The following NEURL1B variants were observed in gnomAD, a reference collection of about 807,000 sequenced individuals.
NEURL1B encodes neuralized E3 ubiquitin protein ligase 1B, also known as E3 ubiquitin-protein ligase NEURL1B.
A neutral mutation model predicts 37.4 loss-of-function variants in NEURL1B; 13 were observed. The ratio of observed to expected loss-of-function variants is 0.35; its 90% CI spans 0.23 to 0.55. The LOEUF (loss-of-function observed/expected upper bound fraction) is 0.55, where lower values mean the gene tolerates loss of function less well. NEURL1B is among the 20% of genes least tolerant of loss of function. The pLI, the probability that NEURL1B is intolerant of heterozygous loss-of-function variation, is 0.89. For synonymous variants in NEURL1B, 432 were observed against 426.6 expected, an observed-to-expected ratio of 1.01 and a Z score of -0.16; for missense variants, 790 against 879.2, an observed-to-expected ratio of 0.90 and a Z score of 1.28.
chr5:172,680,878 G>A (rs1451588248), intron 2 of NEURL1B, among the ~76,000 whole-genome samples: 3 of 152,130 alleles, frequency 2.0e-5, no homozygotes, highest in Non-Finnish European at 2.9e-5. Context: ...AAAATTTGTA[G>A]CTGTATTAGT....
chr5:172,663,405 C>T (rs973907830), intron 1 of NEURL1B, among the ~76,000 whole-genome samples: 1 of 151,514 alleles, frequency 6.6e-6, no homozygotes, highest in African/African-American at 2.4e-5. Flanking sequence ...CCTGTAGTCC[C>T]AGCTACTCAG....
At chr5:172,685,063 T>A (rs1207009668) in intron 3 of NEURL1B, among the ~76,000 whole-genome samples, 1 of 152,230 alleles carries the variant, frequency 6.6e-6, no homozygotes, top group African/African-American at 2.4e-5. Flanking sequence ...TAAATGACTA[T>A]CCCAGGGTCA....
chr5:172,679,560 G>A (rs1431414160), intron 2 of NEURL1B, among the ~76,000 whole-genome samples: 2 of 152,336 alleles, frequency 1.3e-5, no homozygotes, highest in East Asian at 3.9e-4. Context: ...CTAGGCTGGC[G>A]CTGTGCTGTC....
At chr5:172,666,432 C>T (rs1259604771) in intron 1 of NEURL1B, among the ~76,000 whole-genome samples, 8 of 152,136 alleles carry the variant, frequency 5.3e-5, no homozygotes, top group Non-Finnish European at 1.0e-4. Flanking sequence ...TCTGAATGTG[C>T]GGTGATTCTA....
intron 1 of NEURL1B, among the ~76,000 whole-genome samples, chr5:172,660,133 T>TC (rs1757867363): frequency 6.6e-6 from 1 of 151,992 alleles, no homozygotes; most frequent in African/African-American, 2.4e-5. Context: ...GAGGGCACAT[T>TC]CCCCCCACCT....
intron 1 of NEURL1B, among the ~76,000 whole-genome samples, chr5:172,643,945 T>C (rs1581416350): frequency 2.0e-5 from 3 of 151,818 alleles, no homozygotes; most frequent in African/African-American, 7.3e-5. Context: ...CTCCTCCCCA[T>C]GGCTCCCACC....
At chr5:172,644,149 T>C (rs1405162185) in intron 1 of NEURL1B, among the ~76,000 whole-genome samples, 1 of 152,198 alleles carries the variant, frequency 6.6e-6, no homozygotes, top group Non-Finnish European at 1.5e-5. Flanking sequence ...GTTTAGCACC[T>C]GGAGCAGTGG....
chr5:172,682,989 A>G (rs1276912390), intron 2 of NEURL1B, among the ~76,000 whole-genome samples: 1 of 152,224 alleles, frequency 6.6e-6, no homozygotes, highest in Non-Finnish European at 1.5e-5. Context: ...CCACGAGTAC[A>G]GGTTTGCTCT....
chr5:172,645,792 AACGGG>A lies in NEURL1B; in HGVS notation c.31+4358_31+4362del, dbSNP rs58363345. ...GGAAGGGGCCAACATGCTGTAACAG[AACGGG>A]ACACCCAGTTGGTCACATCACTAAA... On this transcript the variant is annotated intron_variant, in intron 1 of 4. Transcript: ENST00000369800. Among the ~76,000 whole-genome samples, 54 of 152,246 alleles carry A rather than the reference AACGGG, an allele frequency of 3.5e-4. 1 individual carries two copies. Among genetic ancestry groups the A allele is most frequent in the African/African-American group, 1.3e-3 (53 of 41,544 alleles).
rs1449728367 is a variant in NEURL1B at position 172,647,366 on chromosome 5, T to C, written c.31+5929T>C. Among the ~76,000 whole-genome samples the C allele has an allele frequency of 1.3e-5, 2 of 152,120 alleles. No individual in the cohort carries two copies. The highest frequency in any genetic ancestry group is 4.8e-5 in the African/African-American group (2 of 41,422). On this transcript the variant is annotated intron_variant, in intron 1 of 4. Coordinates refer to ENST00000369800, the MANE Select transcript of NEURL1B (RefSeq NM_001142651.3). The surrounding 1 kb of genome is among the most constrained non-coding windows in gnomAD (Gnocchi z 4.2). ...GCACTAGGCCCTTTATTCCATCCCATTGAAGCCGTCATGAGAGCCTTGCGA... is the reference window on the plus strand; with the variant it reads ...GCACTAGGCCCTTTATTCCATCCCACTGAAGCCGTCATGAGAGCCTTGCGA...
intron 1 of NEURL1B, among the ~76,000 whole-genome samples, chr5:172,664,623 T>C (rs567818582): frequency 3.3e-5 from 5 of 152,352 alleles, no homozygotes; most frequent in African/African-American, 1.2e-4. Context: ...CGCAGGGCCC[T>C]TGGAGTCCAC....
chr5:172,686,260 G>A lies in NEURL1B; in HGVS notation c.1387G>A (p.Val463Ile), dbSNP rs1450315404. The change falls in exon 4 of 5, where the codon GTC becomes ATC. Residue 463 changes from valine to isoleucine, a missense_variant. Transcript: ENST00000369800. This position sits in a 1 kb window ranked among gnomAD's most constrained non-coding sequence, Gnocchi z 7.9. ...TAGTGATTCAGATATGACCTTCAGT[G>A]TCAACCAGTCCTCCTCGGCATCTGA... is the stretch of plus-strand genomic sequence containing the variant. ...DDSDSDMTFS[V>I]NQSSSASESS... 1.3e-6 allele frequency: 2 copies of A among 1,551,606 alleles called. No individual in the cohort carries two copies. Among genetic ancestry groups the A allele is most frequent in the African/African-American group, 2.7e-5 (2 of 73,044 alleles).
In NEURL1B at chr5:172,676,360, T is replaced by C. The variant is rs1466695196; in HGVS notation, c.577+6030T>C. Among the ~76,000 whole-genome samples, 7 of 152,150 alleles carry C rather than the reference T, an allele frequency of 4.6e-5. No individual in the cohort carries two copies. Among genetic ancestry groups the C allele is most frequent in the African/African-American group, 1.7e-4 (7 of 41,418 alleles). ...GGGGTGGAGGAAAGGCCACCAGCATTTCCAGTCTTGCATCCCACGAGCTTA... is the reference window on the plus strand; with the variant it reads ...GGGGTGGAGGAAAGGCCACCAGCATCTCCAGTCTTGCATCCCACGAGCTTA... On this transcript the variant is annotated intron_variant, in intron 2 of 4. Transcript: ENST00000369800. This position sits in a 1 kb window ranked among gnomAD's most constrained non-coding sequence, Gnocchi z 4.5.
chr5:172,685,678 A>G (rs1370226292), intron 3 of NEURL1B, among the ~76,000 whole-genome samples: 2 of 152,160 alleles, frequency 1.3e-5, no homozygotes, highest in South Asian at 2.1e-4. Context: ...TCTCTTTCCA[A>G]CTCAAAGCTC....
intron 1 of NEURL1B, among the ~76,000 whole-genome samples, chr5:172,646,035 C>A (rs563421838): frequency 1.3e-5 from 2 of 152,134 alleles, no homozygotes. Context: ...GTTGCGCATG[C>A]GGGTGTGTGT....
chr5:172,675,632 T>C lies in NEURL1B; in HGVS notation c.577+5302T>C, dbSNP rs1758219225. ...CAGGCCATGCGCTCCCTTCCCTCCCTTCTCCCTGTGGCTCCAGGAAGCATT... is the reference window on the plus strand; with the variant it reads ...CAGGCCATGCGCTCCCTTCCCTCCCCTCTCCCTGTGGCTCCAGGAAGCATT... On this transcript the variant is annotated intron_variant, in intron 2 of 4. Transcript: ENST00000369800. This position sits in a 1 kb window ranked among gnomAD's most constrained non-coding sequence, Gnocchi z 4.7. 6.6e-6 allele frequency among the ~76,000 whole-genome samples: 1 copy of C among 151,792 alleles called. No individual in the cohort carries two copies.
At position 172,665,763 on chromosome 5, in the gene NEURL1B, C is replaced by G. The variant is rs1189354280; in HGVS notation, c.32-4022C>G. 6.6e-6 allele frequency among the ~76,000 whole-genome samples: 1 copy of G among 151,878 alleles called. No homozygotes were observed. Among genetic ancestry groups the G allele is most frequent in the African/African-American group, 2.4e-5 (1 of 41,338 alleles). Reference sequence around the variant, plus strand: ...TCTGCTCCCTCTCCTCCCTCGAGACCTGGCTCAGTGGGCATCCCACTATTC... The same window carrying G: ...TCTGCTCCCTCTCCTCCCTCGAGACGTGGCTCAGTGGGCATCCCACTATTC... On this transcript the variant is annotated intron_variant, in intron 1 of 4. Coordinates refer to ENST00000369800, the MANE Select transcript of NEURL1B (RefSeq NM_001142651.3). This position sits in a 1 kb window ranked among gnomAD's most constrained non-coding sequence, Gnocchi z 4.1.
At chr5:172,646,293 G>C (rs568103027) in intron 1 of NEURL1B, among the ~76,000 whole-genome samples, 2 of 152,328 alleles carry the variant, frequency 1.3e-5, no homozygotes, top group East Asian at 3.9e-4. Flanking sequence ...CGGTTGGTGG[G>C]GGTGGGAATT....
rs559906703 is a variant in NEURL1B at position 172,675,429 on chromosome 5, T to C, written c.577+5099T>C. On this transcript the variant is annotated intron_variant, in intron 2 of 4. Transcript: ENST00000369800. This position sits in a 1 kb window ranked among gnomAD's most constrained non-coding sequence, Gnocchi z 4.7. ...CATTGTCTCAGGGCTGCTCTATGCT[T>C]GTTTAATGGTCTCTGGGGTACAGAT... Among the ~76,000 whole-genome samples the C allele has an allele frequency of 6.6e-6, 1 of 152,080 alleles. No homozygotes were observed. The highest frequency in any genetic ancestry group is 6.5e-5 in the Admixed American group (1 of 15,270).
Sources: allele counts gnomAD v4.1 joint callset (sites outside exome capture counted in the v4.1 genomes callset), GRCh38; gene constraint gnomAD v4.1.1; non-coding constraint Gnocchi (gnomAD v3.1); transcripts MANE v1.5; gene names NCBI Gene and HGNC (gene_info 2026-07-23, HGNC 2026-07-21).